ACAP2: variants seen among roughly 807,000 people sequenced by gnomAD.
ACAP2 encodes the protein arf-GAP with coiled-coil, ANK repeat and PH domain-containing protein 2.
ACAP2 carries 39 observed loss-of-function variants against 115.8 expected under a neutral mutation model. The observed-to-expected ratio is 0.34, with a 90% confidence interval of 0.26 to 0.44. The LOEUF (loss-of-function observed/expected upper bound fraction) is 0.44, where lower values mean the gene tolerates loss of function less well. Among genes scored for constraint, ACAP2 ranks in the 20% least tolerant of loss-of-function variants. The pLI, the probability that ACAP2 is intolerant of heterozygous loss-of-function variation, is 1.00. For synonymous variants in ACAP2, 289 were observed against 315.8 expected (o/e 0.92, Z 0.90); for missense variants, 662 against 927.6 (o/e 0.71, Z 3.72).
chr3:195,403,583 G>C (rs1479853220), intron 1 of ACAP2, among the ~76,000 whole-genome samples: 1 of 152,250 alleles, frequency 6.6e-6, no homozygotes, highest in Non-Finnish European at 1.5e-5. Context: ...GTAGAACCAA[G>C]AGGATTTCTT....
chr3:195,426,346 T>C (rs957500015), intron 1 of ACAP2, among the ~76,000 whole-genome samples: 2 of 152,162 alleles, frequency 1.3e-5, no homozygotes, highest in African/African-American at 4.8e-5. Flanking sequence ...CAGGTGGAGA[T>C]GACACAATGC....
intron 15 of ACAP2, among the ~76,000 whole-genome samples, chr3:195,299,394 A>G (rs1308643782): frequency 7.0e-6 from 1 of 142,738 alleles, no homozygotes; most frequent in South Asian, 2.3e-4. Flanking sequence ...ACATGGCAAT[A>G]CCCCGTCTCT....
chr3:195,372,485 C>T (rs1733219576), intron 4 of ACAP2, among the ~76,000 whole-genome samples: 1 of 152,138 alleles, frequency 6.6e-6, no homozygotes. Flanking sequence ...TAGCACAAGA[C>T]CTCAGCAGCG....
At chr3:195,316,022 T>C (rs572594641) in intron 10 of ACAP2, among the ~76,000 whole-genome samples, 1 of 152,306 alleles carries the variant, frequency 6.6e-6, no homozygotes, top group Admixed American at 6.5e-5. Context: ...GGAAGTTCAT[T>C]TCTTTTCTTC....
chr3:195,341,452 G>A (rs1205667773), intron 6 of ACAP2, among the ~76,000 whole-genome samples: 4 of 150,778 alleles, frequency 2.7e-5, no homozygotes, highest in Non-Finnish European at 5.9e-5. Context: ...AGCCTCCCGA[G>A]TAGCTGGGAC....
chr3:195,424,623 TAAA>T (rs1279390606), intron 1 of ACAP2, among the ~76,000 whole-genome samples: 1 of 151,552 alleles, frequency 6.6e-6, no homozygotes, highest in African/African-American at 2.4e-5. Context: ...TTTAGTCAAC[TAAA>T]AAAATTTTAA....
intron 9 of ACAP2, among the ~76,000 whole-genome samples, chr3:195,322,802 A>C (rs767120744): frequency 3.5e-4 from 53 of 152,096 alleles, no homozygotes; most frequent in Non-Finnish European, 7.4e-4. Context: ...AGTGCAGGGC[A>C]TTACAAGTGT....
At chr3:195,289,332 G>T in intron 20 of ACAP2, 101 bp from the exon 21 acceptor site, 2 of 772,104 alleles carry the variant, frequency 2.6e-6, no homozygotes, top group Non-Finnish European at 4.3e-6. Context: ...ATTTTCATTA[G>T]GAAATTCTTG....
At chr3:195,305,049 C>G (rs1373416911) in intron 13 of ACAP2, among the ~76,000 whole-genome samples, 2 of 152,112 alleles carry the variant, frequency 1.3e-5, no homozygotes, top group Admixed American at 1.3e-4. Context: ...GTGGTGACAT[C>G]ATAGTATGCA....
intron 16 of ACAP2, 129 bp from the exon 17 acceptor site, chr3:195,296,021 G>A: frequency 1.5e-6 from 1 of 672,926 alleles, no homozygotes. Context: ...AACTGAATCT[G>A]TGACATTATA....
At chr3:195,343,469 G>C (rs7644002) in intron 5 of ACAP2, among the ~76,000 whole-genome samples, 125,845 of 152,176 alleles carry the variant, frequency 0.83, 52,270 homozygotes, top group East Asian at 0.95. Flanking sequence ...AAACAACATT[G>C]ATTTCTCATG....
At chr3:195,333,302 G>A (rs1202526344) in intron 7 of ACAP2, among the ~76,000 whole-genome samples, 179 bp from the exon 8 acceptor site, 1 of 152,182 alleles carries the variant, frequency 6.6e-6, no homozygotes, top group Non-Finnish European at 1.5e-5. Context: ...CCCAGGCTCA[G>A]GTGATTCTCC....
chr3:195,419,623 G>C (rs1714012052), intron 1 of ACAP2: 1 of 152,150 alleles, frequency 6.6e-6, no homozygotes, highest in Non-Finnish European at 1.5e-5. Flanking sequence ...TAGACAGACT[G>C]TCCTGGTCCC....
At chr3:195,396,893 A>C (rs1577411839) in intron 1 of ACAP2, among the ~76,000 whole-genome samples, 1 of 151,582 alleles carries the variant, frequency 6.6e-6, no homozygotes. Context: ...AAAAAAAAAA[A>C]CCCTTCATTC....
intron 1 of ACAP2, among the ~76,000 whole-genome samples, chr3:195,436,005 G>A (rs142968605): frequency 6.6e-5 from 10 of 151,544 alleles, no homozygotes; most frequent in Non-Finnish European, 1.3e-4. Context: ...TTTTTGTTTC[G>A]TGTATTTTGG....
intron 1 of ACAP2, among the ~76,000 whole-genome samples, chr3:195,394,911 C>A (rs73080815): frequency 6.8e-6 from 1 of 147,600 alleles, no homozygotes; most frequent in African/African-American, 2.5e-5. Flanking sequence ...GGGCAAGACT[C>A]CATCTCTTTT....
chr3:195,287,874 C>T (rs969015271), intron 21 of ACAP2, among the ~76,000 whole-genome samples: 9 of 152,000 alleles, frequency 5.9e-5, no homozygotes, highest in Non-Finnish European at 8.8e-5. Context: ...GAGGCTGAGG[C>T]AGGTGGATCA....
intron 1 of ACAP2, among the ~76,000 whole-genome samples, chr3:195,436,865 A>C (rs1715582255): frequency 6.6e-6 from 1 of 152,212 alleles, no homozygotes; most frequent in Admixed American, 6.5e-5. Context: ...AAATAAAATT[A>C]GATTATCTGC....
At chr3:195,326,278 G>A (rs889677934) in intron 9 of ACAP2, 2 of 152,224 alleles carry the variant, frequency 1.3e-5, no homozygotes, top group African/African-American at 4.8e-5. Context: ...TAAGAAAGTT[G>A]AGTTGCAGGA....
Sources: gnomAD v4.1 joint callset for allele counts (sites outside exome capture counted in the v4.1 genomes callset) on GRCh38, gnomAD v4.1.1 for gene constraint, MANE v1.5 for transcripts, NCBI Gene and HGNC (gene_info 2026-07-23, HGNC 2026-07-21) for gene names.